Variants in CRIM1 observed in about 807,000 individuals in gnomAD.
The protein encoded by CRIM1 is cysteine-rich motor neuron 1 protein.
A neutral mutation model predicts 116.4 loss-of-function variants in CRIM1; 32 were observed. The observed-to-expected ratio is 0.27, with a 90% CI of 0.21 to 0.37. The LOEUF is 0.37. Ranked by LOEUF, CRIM1 falls within the 10% of genes least tolerant of loss-of-function variation. The pLI is 1.00. For missense variants in CRIM1, 1,331 were observed against 1,354.8 expected, an observed-to-expected ratio of 0.98 and a Z score of 0.28; for synonymous variants, 590 against 509.2, an observed-to-expected ratio of 1.16 and a Z score of -2.13.
At chr2:36,412,382 C>G (rs111926668) in intron 2 of CRIM1, among the ~76,000 whole-genome samples, 14 of 152,230 alleles carry the variant, frequency 9.2e-5, no homozygotes, top group African/African-American at 3.1e-4. Context: ...TTGCCCAGCC[C>G]AAGTGAAATT....
At chr2:36,403,252 CACTT>C (rs1446888083) in intron 2 of CRIM1, among the ~76,000 whole-genome samples, 1 of 152,158 alleles carries the variant, frequency 6.6e-6, no homozygotes, top group Non-Finnish European at 1.5e-5. Flanking sequence ...AGGAGGAAGA[CACTT>C]AGGGCTTTAG....
At chr2:36,474,652 G>C (rs1429682453) in intron 5 of CRIM1, among the ~76,000 whole-genome samples, 8 of 151,960 alleles carry the variant, frequency 5.3e-5, no homozygotes, top group Non-Finnish European at 1.0e-4. Context: ...GGTCAGAGGA[G>C]TTCAAGACCA....
intron 1 of CRIM1, among the ~76,000 whole-genome samples, chr2:36,389,761 C>A (rs775318746): frequency 6.6e-6 from 1 of 152,044 alleles, no homozygotes; most frequent in Non-Finnish European, 1.5e-5. Context: ...GCACTCATAC[C>A]TGAAATGTTT....
intron 1 of CRIM1, among the ~76,000 whole-genome samples, chr2:36,370,089 C>T (rs1463621046): frequency 6.6e-6 from 1 of 151,908 alleles, no homozygotes. Flanking sequence ...AAAAACAGTT[C>T]TAATTAAGAT....
intron 2 of CRIM1, among the ~76,000 whole-genome samples, chr2:36,425,494 T>C (rs1674382753): frequency 6.6e-6 from 1 of 152,248 alleles, no homozygotes; most frequent in Non-Finnish European, 1.5e-5. Context: ...TTACTTACTT[T>C]TAAATTATTA....
At chr2:36,544,228 G>C in intron 14 of CRIM1, 148 bp from the exon 15 acceptor site, 1 of 567,960 alleles carries the variant, frequency 1.8e-6, no homozygotes. Flanking sequence ...TCTAGCATGA[G>C]TGATGAATGA....
Position 36,502,551 on chromosome 2 carries a change from A to G in CRIM1, c.1501+3204A>G, listed in dbSNP as rs549687270. Among the ~76,000 whole-genome samples the G allele has an allele frequency of 1.1e-4, 17 of 152,312 alleles. No homozygotes were observed. In the South Asian group the frequency reaches 3.5e-3, roughly 32 times the overall value. The stretch of plus-strand genomic sequence containing the variant: ...TCCTTTTTTCACCTAATATAAACAG[A>G]GCACCTGCCACATTCTAGGTAGTAT... On this transcript the variant is annotated intron_variant, in intron 8 of 16. Transcript: ENST00000280527.
chr2:36,474,318 T>A (rs534101737), intron 5 of CRIM1, among the ~76,000 whole-genome samples: 4 of 152,300 alleles, frequency 2.6e-5, no homozygotes, highest in Admixed American at 2.6e-4. Flanking sequence ...AGTCCCAAAA[T>A]TGATGAAGTC....
At chr2:36,476,077 T>A (rs559285272) in intron 5 of CRIM1, among the ~76,000 whole-genome samples, 2 of 152,178 alleles carry the variant, frequency 1.3e-5, no homozygotes, top group East Asian at 3.9e-4. Flanking sequence ...TCAACTAAAA[T>A]TAAAGAATGA....
intron 13 of CRIM1, among the ~76,000 whole-genome samples, chr2:36,537,127 G>A (rs150476974): frequency 3.1e-4 from 47 of 152,236 alleles, no homozygotes; most frequent in East Asian, 1.4e-3. Context: ...ATTCCCTGCC[G>A]GTTGTGGTAG....
chr2:36,536,062 G>A (rs848518), intron 13 of CRIM1, among the ~76,000 whole-genome samples: 1 of 151,978 alleles, frequency 6.6e-6, no homozygotes, highest in Non-Finnish European at 1.5e-5. Context: ...ACCACAGATC[G>A]GTGAGCATTT....
chr2:36,472,107 C>CA (rs1300217203), intron 5 of CRIM1, among the ~76,000 whole-genome samples: 1 of 152,174 alleles, frequency 6.6e-6, no homozygotes. Context: ...TTTGCAGACG[C>CA]AAAACACATA....
At chr2:36,379,742 CT>C (rs760969263) in intron 1 of CRIM1, among the ~76,000 whole-genome samples, 3,601 of 106,336 alleles carry the variant, frequency 0.034, 195 homozygotes, top group African/African-American at 0.12. Context: ...TTCTTTCTCT[CT>C]TTTTTTTTTT....
intron 8 of CRIM1, among the ~76,000 whole-genome samples, chr2:36,504,819 A>G (rs145953951): frequency 4.4e-4 from 67 of 152,328 alleles, no homozygotes; most frequent in Non-Finnish European, 7.5e-4. Context: ...AGGCATCTGC[A>G]TGAATTAAGT....
At chr2:36,368,185 G>C (rs1224154493) in intron 1 of CRIM1, among the ~76,000 whole-genome samples, 1 of 152,216 alleles carries the variant, frequency 6.6e-6, no homozygotes, top group African/African-American at 2.4e-5. Context: ...GTGCATGAAA[G>C]GGGGTGTGGG....
At position 36,356,749 on chromosome 2, in the gene CRIM1, C is replaced by G; in HGVS notation, c.331+126C>G. On this transcript the variant is annotated intron_variant, in intron 1 of 16. Coordinates refer to ENST00000280527, the MANE Select transcript of CRIM1 (RefSeq NM_016441.3). The surrounding 1 kb of genome is among the most constrained non-coding windows in gnomAD (Gnocchi z 4.3). ...AGGGCTCTGCGGGAAGAGGGGCGGC[C>G]GCCGCCCCCAGGAGAGTGCCCCCGC... 2.2e-6 allele frequency: 2 copies of G among 923,856 alleles called. No individual in the cohort carries two copies. The highest frequency in any genetic ancestry group is 3.2e-6 in the Non-Finnish European group (2 of 630,082). The allele number at this position is 923,856 out of a possible 1,614,324, so 57.2% of individuals were successfully genotyped here. A position where few individuals can be genotyped will look rare whatever the true frequency, so the allele number is the denominator to read the frequency against.
rs528291349 is a variant in CRIM1, at chr2:36,390,247, A to G, written c.332-6367A>G. ...TAAAAAAACCTACTCATATTCTGCA[A>G]AATCATTCATTACACTAAAAATAAG... On this transcript the variant is annotated intron_variant, in intron 1 of 16. Coordinates refer to ENST00000280527, the MANE Select transcript of CRIM1 (RefSeq NM_016441.3). Among the ~76,000 whole-genome samples, 5 of 152,358 alleles carry G rather than the reference A, an allele frequency of 3.3e-5. No homozygotes were observed. The South Asian group carries it at 1.0e-3, about 32-fold the overall frequency.
chr2:36,447,447 T>C (rs1676334910), intron 4 of CRIM1, among the ~76,000 whole-genome samples: 1 of 152,222 alleles, frequency 6.6e-6, no homozygotes, highest in Non-Finnish European at 1.5e-5. Flanking sequence ...GACAAAGATT[T>C]ATTCTTTGTC....
intron 2 of CRIM1, among the ~76,000 whole-genome samples, chr2:36,406,026 A>AT (rs534329686): frequency 5.3e-5 from 8 of 151,942 alleles, no homozygotes; most frequent in Admixed American, 2.0e-4. Flanking sequence ...ATGTCTATGG[A>AT]TTTTTTTTGG....
Sources: allele counts gnomAD v4.1 joint callset (sites outside exome capture counted in the v4.1 genomes callset), GRCh38; gene constraint gnomAD v4.1.1; non-coding constraint Gnocchi (gnomAD v3.1); transcripts MANE v1.5; gene names NCBI Gene and HGNC (gene_info 2026-07-23, HGNC 2026-07-21).